RAP1GDS1: variants seen among roughly 807,000 people sequenced by gnomAD.
RAP1GDS1 encodes the protein RAP1, GTP-GDP dissociation stimulator 1.
In RAP1GDS1, 35 loss-of-function variants were observed where a neutral mutation model predicts 71.1. The observed-to-expected ratio is 0.49, with a 90% CI of 0.38 to 0.65. The LOEUF is 0.65. Ranked by LOEUF, RAP1GDS1 falls within the 30% of genes least tolerant of loss-of-function variation. The pLI is 0.00. For synonymous variants in RAP1GDS1, 229 were observed against 243.1 expected (o/e 0.94, Z 0.54); for missense variants, 663 against 706.1 (o/e 0.94, Z 0.69).
At chr4:98,342,026 CTTTTA>C (rs1177966479) in intron 2 of RAP1GDS1, among the ~76,000 whole-genome samples, 1 of 152,006 alleles carries the variant, frequency 6.6e-6, no homozygotes, top group Non-Finnish European at 1.5e-5. Context: ...GTTGTTAATT[CTTTTA>C]TTTTAACCAG....
chr4:98,282,632 T>G (rs1312231781), intron 1 of RAP1GDS1, among the ~76,000 whole-genome samples: 2 of 151,936 alleles, frequency 1.3e-5, no homozygotes, highest in Admixed American at 6.6e-5. Flanking sequence ...GGTTCTGCTC[T>G]GATCTTAGTT....
intron 12 of RAP1GDS1, among the ~76,000 whole-genome samples, chr4:98,431,036 C>A (rs1327459399): frequency 1.3e-5 from 2 of 152,086 alleles, no homozygotes; most frequent in Non-Finnish European, 2.9e-5. Flanking sequence ...TTATAGACAT[C>A]AAAAATGTAA....
At chr4:98,413,380 C>T (rs1174823109) in intron 7 of RAP1GDS1, among the ~76,000 whole-genome samples, 5 of 151,934 alleles carry the variant, frequency 3.3e-5, no homozygotes, top group Non-Finnish European at 7.4e-5. Flanking sequence ...CTCCCCCCAC[C>T]CCACCACAGT....
At chr4:98,414,609 G>A (rs1747628858) in intron 7 of RAP1GDS1, among the ~76,000 whole-genome samples, 1 of 149,118 alleles carries the variant, frequency 6.7e-6, no homozygotes, top group South Asian at 2.1e-4. Context: ...TGCTGTTTTG[G>A]TTACTGTAGC....
rs370689697 is a variant in RAP1GDS1, at chr4:98,273,319, A to G, written c.4+11750A>G. On this transcript the variant is annotated intron_variant, in intron 1 of 14. Coordinates refer to ENST00000408927, the MANE Select transcript of RAP1GDS1 (RefSeq NM_001100427.2). ...CATTTATTTAAGAATGTATTCGAGC[A>G]TCTAACAGCAAATTTCAACAATGCA... 1.3e-3 allele frequency among the ~76,000 whole-genome samples: 203 copies of G among 152,324 alleles called. 3 individuals are homozygous for G. The highest frequency in any genetic ancestry group is 3.8e-3 in the African/African-American group (157 of 41,572).
At chr4:98,262,431 AAT>A (rs1722148014) in intron 1 of RAP1GDS1, among the ~76,000 whole-genome samples, 1 of 152,216 alleles carries the variant, frequency 6.6e-6, no homozygotes, top group Non-Finnish European at 1.5e-5. Flanking sequence ...TTTAAGAGCA[AAT>A]ATGTTTTATA....
Position 98,404,518 on chromosome 4 carries a change from G to T in RAP1GDS1, c.679G>T (p.Glu227Ter), listed in dbSNP as rs1321902602. 6.2e-7 allele frequency: 1 copy of T among 1,608,596 alleles called. No homozygotes were observed. Among genetic ancestry groups the T allele is most frequent in the Non-Finnish European group, 8.5e-7 (1 of 1,177,790 alleles). Reference sequence around the variant, plus strand: ...GTTTGCCAGTACAAACATTGCTGAAGAGCTAGTAAAACTCTTCAAGAAACA... The same window carrying T: ...GTTTGCCAGTACAAACATTGCTGAATAGCTAGTAAAACTCTTCAAGAAACA... ...EQFASTNIAEELVKLFKKQIE... is the reference protein window; with the variant it reads ...EQFASTNIAE Residue 227 changes from glutamate (E) to a stop codon, truncating the protein, a stop_gained, in exon 7 of 15, where the codon GAG becomes TAG. Transcript: ENST00000408927. LOFTEE classifies it high-confidence loss of function.
At chr4:98,377,871 A>G (rs981196635) in intron 4 of RAP1GDS1, among the ~76,000 whole-genome samples, 1 of 151,868 alleles carries the variant, frequency 6.6e-6, no homozygotes. Flanking sequence ...CTACTAGCCA[A>G]ATTTAGCTAC....
intron 7 of RAP1GDS1, among the ~76,000 whole-genome samples, chr4:98,407,490 CAA>C (rs998570561): frequency 2.7e-4 from 41 of 151,730 alleles, no homozygotes; most frequent in African/African-American, 9.2e-4. Flanking sequence ...CACACACACA[CAA>C]CATGGAATAC....
intron 2 of RAP1GDS1, among the ~76,000 whole-genome samples, chr4:98,337,899 G>A (rs1412997807): frequency 6.6e-6 from 1 of 152,172 alleles, no homozygotes; most frequent in Non-Finnish European, 1.5e-5. Flanking sequence ...GGATGTGCTT[G>A]AATGTTTAAT....
At chr4:98,316,619 A>T (rs547113728) in intron 2 of RAP1GDS1, among the ~76,000 whole-genome samples, 1 of 152,110 alleles carries the variant, frequency 6.6e-6, no homozygotes, top group African/African-American at 2.4e-5. Flanking sequence ...GGGAAATACA[A>T]TGTTACCAGA....
chr4:98,263,145 C>T (rs1722263868), intron 1 of RAP1GDS1, among the ~76,000 whole-genome samples: 1 of 152,060 alleles, frequency 6.6e-6, no homozygotes, highest in Admixed American at 6.6e-5. Flanking sequence ...ATAAAATACA[C>T]TTTGAAATAA....
chr4:98,321,661 G>C lies in RAP1GDS1; in HGVS notation c.113-21478G>C, dbSNP rs1343028470. 2.5e-4 allele frequency among the ~76,000 whole-genome samples: 36 copies of C among 144,818 alleles called. 1 individual carries two copies. Among genetic ancestry groups the C allele is most frequent in the African/African-American group, 8.7e-4 (34 of 39,186 alleles). On this transcript the variant is annotated intron_variant, in intron 2 of 14. Transcript: ENST00000408927. ...TTTTCAACCCAGAATTTCATATCCA[G>C]CCAAACTAAGCTTCATAAGTGAAGG...
intron 7 of RAP1GDS1, among the ~76,000 whole-genome samples, chr4:98,415,338 A>G (rs189204564): frequency 2.0e-4 from 30 of 152,354 alleles, no homozygotes; most frequent in Non-Finnish European, 2.6e-4. Context: ...ATGTTCTACA[A>G]TCAGTTTGTA....
chr4:98,315,369 C>T (rs1241212276), intron 2 of RAP1GDS1, among the ~76,000 whole-genome samples: 1 of 152,152 alleles, frequency 6.6e-6, no homozygotes, highest in African/African-American at 2.4e-5. Flanking sequence ...ATCTCATCCA[C>T]TCCATGTCTT....
chr4:98,386,774 GTATA>G (rs1483163681), intron 5 of RAP1GDS1, among the ~76,000 whole-genome samples: 18 of 151,904 alleles, frequency 1.2e-4, no homozygotes, highest in Non-Finnish European at 2.5e-4. Flanking sequence ...AAACATTTGA[GTATA>G]TAAAGTTTTT....
At chr4:98,440,230 A>T (rs1400060555) in intron 14 of RAP1GDS1, among the ~76,000 whole-genome samples, 1 of 152,214 alleles carries the variant, frequency 6.6e-6, no homozygotes, top group Non-Finnish European at 1.5e-5. Flanking sequence ...TCCATTCATC[A>T]ATCCATGGAC....
chr4:98,432,102 G>A lies in RAP1GDS1; in HGVS notation c.1441-1834G>A, dbSNP rs1750509898. 3.9e-5 allele frequency among the ~76,000 whole-genome samples: 6 copies of A among 152,162 alleles called. No homozygotes were observed. The South Asian group carries it at 1.2e-3, about 32-fold the overall frequency. On this transcript the variant is annotated intron_variant, in intron 12 of 14. Coordinates refer to ENST00000408927, the MANE Select transcript of RAP1GDS1 (RefSeq NM_001100427.2). Reference sequence around the variant, plus strand: ...CCCCGCTCCCCCCATCCCACGACAGGCCCCAGTGTGTGATGTTCCCCAGAG... The same window carrying A: ...CCCCGCTCCCCCCATCCCACGACAGACCCCAGTGTGTGATGTTCCCCAGAG...
chr4:98,322,955 A>G (rs1015580891), intron 2 of RAP1GDS1, among the ~76,000 whole-genome samples: 1 of 145,018 alleles, frequency 6.9e-6, no homozygotes, highest in Non-Finnish European at 1.5e-5. Flanking sequence ...GACACAAAAA[A>G]CCCTTCAAAA....
Sources: allele counts gnomAD v4.1 joint callset (sites outside exome capture counted in the v4.1 genomes callset), GRCh38; gene constraint gnomAD v4.1.1; transcripts MANE v1.5; gene names NCBI Gene and HGNC (gene_info 2026-07-23, HGNC 2026-07-21).